The following LARP1 variants were observed in gnomAD, a reference collection of about 807,000 sequenced individuals.
LARP1 encodes la-related protein 1.
LARP1 carries 36 observed loss-of-function variants against 122.7 expected under a neutral mutation model. That is an observed-to-expected ratio of 0.29 (90% CI 0.22 to 0.39). LARP1 has a LOEUF of 0.39. LARP1 is among the 10% of genes least tolerant of loss of function. The probability of loss-of-function intolerance (pLI) is 1.00; values close to 1 mark genes in which losing one functional copy is unlikely to be tolerated. For missense variants in LARP1, 1,040 were observed against 1,403.6 expected (o/e 0.74, Z 4.14); for synonymous variants, 539 against 528.7 (o/e 1.02, Z -0.27).
intron 10 of LARP1, among the ~76,000 whole-genome samples, chr5:154,801,455 G>C (rs1270161750): frequency 6.6e-6 from 1 of 152,150 alleles, no homozygotes; most frequent in Non-Finnish European, 1.5e-5. Context: ...AGCTCCCTAA[G>C]TAACAGGGAC....
At chr5:154,796,777 C>G (rs1007393457) in intron 8 of LARP1, among the ~76,000 whole-genome samples, 13 of 152,112 alleles carry the variant, frequency 8.5e-5, no homozygotes, top group African/African-American at 3.1e-4. Context: ...ATCAACTGTT[C>G]AGTTACCAAG....
At chr5:154,758,845 A>G (rs58415346) in intron 1 of LARP1, among the ~76,000 whole-genome samples, 264 of 152,134 alleles carry the variant, frequency 1.7e-3, no homozygotes, top group African/African-American at 5.9e-3. Context: ...TGATATCTCT[A>G]CTTTCTTGTG....
In LARP1 at chr5:154,745,161, C is replaced by T. The variant is rs557925486; in HGVS notation, c.205+32031C>T. On this transcript the variant is annotated intron_variant, in intron 1 of 18. Coordinates refer to the LARP1 transcript ENST00000336314. ...CAGGATGGTCTCGATCTCTTGACCTCGTGATCCGCCCGCCTCGGCCTCCCA... is the reference window on the plus strand; with the variant it reads ...CAGGATGGTCTCGATCTCTTGACCTTGTGATCCGCCCGCCTCGGCCTCCCA... 3.5e-4 allele frequency among the ~76,000 whole-genome samples: 53 copies of T among 151,706 alleles called. 1 individual carries two copies. In the South Asian group the frequency reaches 0.01, roughly 30 times the overall value.
In LARP1 at chr5:154,803,161, G is replaced by A. The variant is rs1177490426; in HGVS notation, c.2110-129G>A. On this transcript the variant is annotated intron_variant, in intron 11 of 18. Transcript: ENST00000518297. This position sits in a 1 kb window ranked among gnomAD's most constrained non-coding sequence, Gnocchi z 4.4. ...GGTGACTGGGCAGCTGAGAGCCTGG[G>A]GACCAGAATTCCACGTATGTCGACG... 2 of 1,221,386 alleles carry A rather than the reference G, an allele frequency of 1.6e-6. No individual in the cohort carries two copies. The highest frequency in any genetic ancestry group is 2.3e-5 in the East Asian group (1 of 42,708). 75.7% of individuals were successfully genotyped at this position (1,221,386 alleles called of 1,614,324 possible).
chr5:154,783,582 C>T (rs936633119), intron 1 of LARP1, among the ~76,000 whole-genome samples: 2 of 152,196 alleles, frequency 1.3e-5, no homozygotes, highest in Non-Finnish European at 2.9e-5. Context: ...AGTCAGACTG[C>T]TTGGCTCCAA....
At chr5:154,717,345 G>A (rs1263068248) in intron 1 of LARP1, among the ~76,000 whole-genome samples, 1 of 152,084 alleles carries the variant, frequency 6.6e-6, no homozygotes. Flanking sequence ...CCTCTGCATT[G>A]CACTCTACTC....
chr5:154,805,331 G>T, intron 14 of LARP1: 1 of 210,760 alleles, frequency 4.7e-6, no homozygotes, highest in Non-Finnish European at 9.6e-6. Flanking sequence ...GAGAAGGAGG[G>T]GTTGGTCTTG....
At chr5:154,696,262 T>A (rs1754466724) in intron 1 of LARP1, among the ~76,000 whole-genome samples, 1 of 151,896 alleles carries the variant, frequency 6.6e-6, no homozygotes, top group Non-Finnish European at 1.5e-5. Context: ...GAGGCTGAGG[T>A]GGGAGAATTG....
chr5:154,806,002 T>C lies in LARP1; in HGVS notation c.2668T>C (p.Tyr890His). 1 of 1,614,146 alleles carries C rather than the reference T, an allele frequency of 6.2e-7. No individual in the cohort carries two copies. Among genetic ancestry groups the C allele is most frequent in the Non-Finnish European group, 8.5e-7 (1 of 1,180,026 alleles). The change falls in exon 15 of 19, where the codon TAC becomes CAC. Residue 890 changes from tyrosine to histidine, a missense_variant. Tyr to His is a moderately conservative substitution (Grantham distance 83). Around this residue, in one of 8 missense-constraint regions of LARP1, gnomAD observed 59 missense variants for 137.2 expected, o/e 0.43. Transcript: ENST00000518297. ...GGAAAATGGCTTCACACAACACGTC[T>C]ACCATAAGTATCGTAGGCGCTGCCT... The part of the protein sequence containing the change: ...LKENGFTQHV[Y>H]HKYRRRCLNE...
At chr5:154,812,169 A>G (rs2113040671) in intron 18 of LARP1, among the ~76,000 whole-genome samples, 1 of 152,308 alleles carries the variant, frequency 6.6e-6, no homozygotes, top group African/African-American at 2.4e-5. Context: ...TGCTTTAGAG[A>G]TAAGGGAAAG....
chr5:154,755,535 TG>T lies in LARP1; in HGVS notation c.-217del, dbSNP rs1464947599. 1 of 980,610 alleles carries T rather than the reference TG, an allele frequency of 1.0e-6. No individual in the cohort carries two copies. The highest frequency in any genetic ancestry group is 1.2e-6 in the Non-Finnish European group (1 of 827,310). The allele number at this position is 980,610 out of a possible 1,614,324, so 60.7% of individuals were successfully genotyped here. ...CGCCTAGGAGGCCTGGACTGCAGAG[TG>T]GGGGGCCTTCCTCCCCCCCCGCCCC... On this transcript the variant is annotated 5_prime_UTR_variant, in exon 1 of 19. Transcript: ENST00000518297.
chr5:154,693,039 G>A (rs1754300151), intron 1 of LARP1, among the ~76,000 whole-genome samples: 1 of 139,054 alleles, frequency 7.2e-6, no homozygotes, highest in Admixed American at 7.6e-5. Flanking sequence ...TGCCCCGGCT[G>A]TTCTCGAACT....
chr5:154,795,147 G>C (rs371545659), intron 7 of LARP1, 28 bp from the exon 8 acceptor site: 3 of 1,610,762 alleles, frequency 1.9e-6, no homozygotes, highest in African/African-American at 2.7e-5. Flanking sequence ...CAATCCCTCG[G>C]TGATAACTAC....
intron 3 of LARP1, among the ~76,000 whole-genome samples, chr5:154,791,238 A>G (rs1757323242): frequency 6.8e-6 from 1 of 147,888 alleles, no homozygotes; most frequent in South Asian, 2.1e-4. Flanking sequence ...AGGTTCAAGC[A>G]ATTCTCACTC....
At chr5:154,706,309 A>G (rs1346307537) in intron 1 of LARP1, among the ~76,000 whole-genome samples, 22 of 145,656 alleles carry the variant, frequency 1.5e-4, no homozygotes, top group Non-Finnish European at 3.3e-4. Context: ...AATAATAATA[A>G]TAATAATAAT....
At chr5:154,688,921 A>ATT (rs1312087054) in intron 1 of LARP1, among the ~76,000 whole-genome samples, 3 of 152,364 alleles carry the variant, frequency 2.0e-5, no homozygotes, top group Non-Finnish European at 4.4e-5. Context: ...GTGAGAATGT[A>ATT]TTAATGCATT....
At chr5:154,721,899 G>A (rs1755893694) in intron 1 of LARP1, among the ~76,000 whole-genome samples, 1 of 152,076 alleles carries the variant, frequency 6.6e-6, no homozygotes, top group Non-Finnish European at 1.5e-5. Flanking sequence ...TGTATCCTAT[G>A]ACAGTATCAT....
upstream of LARP1, among the ~76,000 whole-genome samples, chr5:154,709,643 TTAGCTTGTGGGCTCA>T (rs1755122222): frequency 6.9e-6 from 1 of 144,952 alleles, no homozygotes; most frequent in African/African-American, 2.6e-5. Context: ...TTGGCTAGAG[TTAGCTTGTGGGCTCA>T]CCAAAACTGT....
In LARP1 at chr5:154,803,089, T is replaced by G. The variant is rs1275885503; in HGVS notation, c.2110-201T>G. The stretch of plus-strand genomic sequence containing the variant: ...CAGGGAGGGCAGGGCAAGCACTGTC[T>G]TCTTCTGGGCTAGCACACTTGTGCC... On this transcript the variant is annotated intron_variant, in intron 11 of 18. Transcript: ENST00000518297. The surrounding 1 kb of genome is among the most constrained non-coding windows in gnomAD (Gnocchi z 4.4). Among the ~76,000 whole-genome samples, 1 of 152,178 alleles carries G rather than the reference T, an allele frequency of 6.6e-6. No homozygotes were observed. The highest frequency in any genetic ancestry group is 1.5e-5 in the Non-Finnish European group (1 of 68,026).
Sources: gnomAD v4.1 joint callset for allele counts (sites outside exome capture counted in the v4.1 genomes callset) on GRCh38, gnomAD v4.1.1 for gene constraint, gnomAD v4.1.1 regional missense constraint, Gnocchi (gnomAD v3.1) non-coding constraint, MANE v1.5 for transcripts, NCBI Gene and HGNC (gene_info 2026-07-23, HGNC 2026-07-21) for gene names.